The following HERC3 variants were observed in gnomAD, a reference collection of about 807,000 sequenced individuals.
HERC3 encodes the protein HECT and RLD domain containing E3 ubiquitin protein ligase 3.
A neutral mutation model predicts 129.9 loss-of-function variants in HERC3; 58 were observed. That is an observed-to-expected ratio of 0.45 (90% CI 0.36 to 0.56). The LOEUF (loss-of-function observed/expected upper bound fraction) is 0.56. Among genes scored for constraint, HERC3 ranks in the 20% least tolerant of loss-of-function variants. HERC3 has a pLI of 0.00. For missense variants in HERC3, 835 were observed against 1,244.2 expected (o/e 0.67, Z 4.95); for synonymous variants, 430 against 451.0 (o/e 0.95, Z 0.59).
the HERC3 span, among the ~76,000 whole-genome samples, chr4:88,579,231 A>AT: frequency 2.8e-3 from 278 of 97,996 alleles, 1 homozygote; most frequent in African/African-American, 8.4e-3. Flanking sequence ...AAAAAAAAAA[A>AT]AATATATATA....
intron 5 of HERC3, among the ~76,000 whole-genome samples, 173 bp downstream of exon 5, chr4:88,652,261 C>T (rs537769608): frequency 1.3e-5 from 2 of 152,126 alleles, no homozygotes; most frequent in South Asian, 2.1e-4. Flanking sequence ...ATCCTTTTCT[C>T]AGGGTGTGGG....
chr4:88,609,276 CTG>C (rs1254065257), intron 3 of HERC3, among the ~76,000 whole-genome samples: 1 of 152,066 alleles, frequency 6.6e-6, no homozygotes, highest in African/African-American at 2.4e-5. Flanking sequence ...GAGCAAGACT[CTG>C]TCTCAAAACA....
chr4:88,592,655 C>G (rs1452494215), intron 1 of HERC3, 81 bp downstream of exon 1: 2 of 152,410 alleles, frequency 1.3e-5, no homozygotes, highest in Non-Finnish European at 2.9e-5. Flanking sequence ...CCGCCTGGCA[C>G]TGCAGTCAGC....
At chr4:88,623,100 A>G (rs1057093766) in intron 3 of HERC3, among the ~76,000 whole-genome samples, 1 of 152,184 alleles carries the variant, frequency 6.6e-6, no homozygotes. Flanking sequence ...TGGGTGCTCT[A>G]TGTATAAGCT....
intron 3 of HERC3, among the ~76,000 whole-genome samples, chr4:88,633,655 TA>T (rs1225507527): frequency 2.0e-5 from 3 of 151,790 alleles, no homozygotes; most frequent in African/African-American, 7.3e-5. Flanking sequence ...ACAAAATAGG[TA>T]AAAATCCAAA....
At chr4:88,676,754 A>C (rs1418766992) in intron 18 of HERC3, among the ~76,000 whole-genome samples, 1 of 152,234 alleles carries the variant, frequency 6.6e-6, no homozygotes, top group Non-Finnish European at 1.5e-5. Flanking sequence ...CTATATTCCA[A>C]CAAAACTTTA....
chr4:88,692,851 T>G (rs1734219048), intron 23 of HERC3: 2 of 981,872 alleles, frequency 2.0e-6, no homozygotes, highest in African/African-American at 3.5e-5. Flanking sequence ...ATATGGCCTC[T>G]CAGGGGCTAA....
chr4:88,693,296 G>C (rs1734262559), intron 23 of HERC3: 15 of 971,140 alleles, frequency 1.5e-5, no homozygotes, highest in Non-Finnish European at 1.8e-5. Context: ...AAGGTCTCAG[G>C]GGTGAAATGG....
chr4:88,539,393 T>C, the HERC3 span, among the ~76,000 whole-genome samples: 1 of 152,094 alleles, frequency 6.6e-6, no homozygotes, highest in Admixed American at 6.5e-5. Context: ...TGCTGAGGCT[T>C]GAGTAGGTAA....
chr4:88,548,214 AC>A, the HERC3 span, among the ~76,000 whole-genome samples: 1 of 152,206 alleles, frequency 6.6e-6, no homozygotes, highest in East Asian at 1.9e-4. Flanking sequence ...TTCAATATAT[AC>A]CTAGGATTAG....
At chr4:88,572,869 G>A in the HERC3 span, among the ~76,000 whole-genome samples, 1 of 151,510 alleles carries the variant, frequency 6.6e-6, no homozygotes, top group Non-Finnish European at 1.5e-5. Flanking sequence ...TATAATTAAA[G>A]TTATATAAAT....
At chr4:88,667,314 T>A (rs917277877) in intron 12 of HERC3, 63 bp from the exon 13 acceptor site, 25 of 822,716 alleles carry the variant, frequency 3.0e-5, no homozygotes, top group Middle Eastern at 3.7e-4. Context: ...TACTTGTTTA[T>A]AATTCCTATC....
chr4:88,607,243 G>A (rs574615767), intron 3 of HERC3, among the ~76,000 whole-genome samples: 49 of 152,022 alleles, frequency 3.2e-4, no homozygotes, highest in Non-Finnish European at 6.9e-4. Context: ...GCATCACTAA[G>A]CTTATTGCAC....
intron 23 of HERC3, 71 bp downstream of exon 23, chr4:88,687,370 A>G: frequency 2.0e-6 from 2 of 984,850 alleles, no homozygotes; most frequent in Middle Eastern, 2.2e-4. Flanking sequence ...TTAAGACCAA[A>G]ATAAAAATTA....
intron 3 of HERC3, 69 bp from the exon 4 acceptor site, chr4:88,649,771 C>G: frequency 7.6e-7 from 1 of 1,323,948 alleles, no homozygotes; most frequent in South Asian, 1.3e-5. Flanking sequence ...GGAAGATAAT[C>G]CTGTGTAATG....
chr4:88,644,394 T>C (rs1175747324), intron 3 of HERC3, among the ~76,000 whole-genome samples: 1 of 152,208 alleles, frequency 6.6e-6, no homozygotes, highest in East Asian at 1.9e-4. Context: ...GCTCTGTAGT[T>C]CATCCATTAT....
chr4:88,681,391 G>T, intron 21 of HERC3, 66 bp downstream of exon 21: 1 of 1,356,266 alleles, frequency 7.4e-7, no homozygotes, highest in Non-Finnish European at 1.0e-6. Context: ...AGGATTAAAG[G>T]TTGAAAATAC....
intron 2 of HERC3, among the ~76,000 whole-genome samples, chr4:88,599,162 T>G (rs559618646): frequency 6.6e-6 from 1 of 152,250 alleles, no homozygotes; most frequent in East Asian, 1.9e-4. Flanking sequence ...GCTACAAGAT[T>G]TAGGGGTCCA....
At chr4:88,645,280 G>C (rs1282857340) in intron 3 of HERC3, among the ~76,000 whole-genome samples, 2 of 152,112 alleles carry the variant, frequency 1.3e-5, no homozygotes, top group Non-Finnish European at 2.9e-5. Flanking sequence ...TGTGCAGAAT[G>C]GTAGGGTGAA....
Sources: gnomAD v4.1 joint callset for allele counts (sites outside exome capture counted in the v4.1 genomes callset) on GRCh38, gnomAD v4.1.1 for gene constraint, MANE v1.5 for transcripts, NCBI Gene and HGNC (gene_info 2026-07-23, HGNC 2026-07-21) for gene names.